The following PKP4 variants were observed in gnomAD, a reference collection of about 807,000 sequenced individuals.
PKP4 encodes the protein plakophilin 4, also known as plakophilin-4.
A neutral mutation model predicts 145.1 loss-of-function variants in PKP4; 90 were observed. The observed-to-expected ratio is 0.62, with a 90% CI of 0.52 to 0.74. PKP4 has a LOEUF of 0.74. Among genes scored for constraint, PKP4 ranks in the 30% least tolerant of loss-of-function variants. The pLI, the probability that PKP4 is intolerant of heterozygous loss-of-function variation, is 0.00. For missense variants in PKP4, 1,340 were observed against 1,482.7 expected (o/e 0.90, Z 1.58); for synonymous variants, 563 against 577.2 (o/e 0.98, Z 0.35).
chr2:158,555,786 A>G (rs2046037557), intron 2 of PKP4, among the ~76,000 whole-genome samples: 1 of 152,216 alleles, frequency 6.6e-6, no homozygotes, highest in Non-Finnish European at 1.5e-5. Flanking sequence ...TTTGAGTTGT[A>G]CAACCCACAG....
intron 1 of PKP4, among the ~76,000 whole-genome samples, chr2:158,518,799 T>G (rs961259406): frequency 6.6e-6 from 1 of 152,246 alleles, no homozygotes; most frequent in African/African-American, 2.4e-5. Context: ...TGAATCATAA[T>G]TTTTGGTCAG....
intron 1 of PKP4, among the ~76,000 whole-genome samples, chr2:158,476,325 A>G (rs1176884045): frequency 6.6e-6 from 1 of 151,912 alleles, no homozygotes; most frequent in Admixed American, 6.6e-5. Flanking sequence ...TCCTCTGATG[A>G]TTTTTAAGTT....
intron 3 of PKP4, among the ~76,000 whole-genome samples, chr2:158,593,471 A>G (rs2049445811): frequency 6.6e-6 from 1 of 152,144 alleles, no homozygotes. Context: ...TGTTTGTCTC[A>G]TTTTTGTCTA....
intron 4 of PKP4, among the ~76,000 whole-genome samples, chr2:158,613,248 C>T (rs932991285): frequency 1.3e-5 from 2 of 152,102 alleles, no homozygotes; most frequent in African/African-American, 4.8e-5. Context: ...ATTCTAAAAC[C>T]TAGTCATTAA....
At chr2:158,629,762 G>A (rs1338928404) in intron 7 of PKP4, among the ~76,000 whole-genome samples, 2 of 151,824 alleles carry the variant, frequency 1.3e-5, no homozygotes, top group Non-Finnish European at 2.9e-5. Flanking sequence ...CCAGGCTGGC[G>A]TGCAGTGGCG....
chr2:158,581,177 A>G (rs2048302722), intron 3 of PKP4, among the ~76,000 whole-genome samples: 2 of 152,240 alleles, frequency 1.3e-5, no homozygotes, highest in African/African-American at 2.4e-5. Context: ...AGAGAAGAAC[A>G]GAAATTAGCT....
Position 158,621,114 on chromosome 2 carries a change from A to G in PKP4, c.405A>G (p.Glu135=). ...CACCAGAACAGACATCTCTCCATGA[A>G]AGTGAGGGTCTGTTGTGTTATCTTT... The part of the protein sequence containing the change: ...LYSPEQTSLH[E]SEGSLGNSRS... Residue 135 remains glutamate, a synonymous_variant, in exon 5 of 22, where the codon GAA becomes GAG. Transcript: ENST00000389759. The G allele has an allele frequency of 6.2e-7, 1 of 1,614,178 alleles. No homozygotes were observed. Among genetic ancestry groups the G allele is most frequent in the African/African-American group, 1.3e-5 (1 of 75,066 alleles).
At chr2:158,610,028 G>C (rs1252605098) in intron 4 of PKP4, among the ~76,000 whole-genome samples, 1 of 152,130 alleles carries the variant, frequency 6.6e-6, no homozygotes, top group East Asian at 1.9e-4. Context: ...TTGTTTTGGA[G>C]CATTTATGCT....
At chr2:158,505,921 A>G (rs1253233813) in intron 1 of PKP4, among the ~76,000 whole-genome samples, 1 of 152,120 alleles carries the variant, frequency 6.6e-6, no homozygotes, top group Non-Finnish European at 1.5e-5. Context: ...GACCATAAGT[A>G]CACAGGAGGC....
At chr2:158,583,700 G>C (rs2048534141) in intron 3 of PKP4, among the ~76,000 whole-genome samples, 1 of 151,988 alleles carries the variant, frequency 6.6e-6, no homozygotes, top group African/African-American at 2.4e-5. Flanking sequence ...AAAGTTTGCT[G>C]TATTTCTTTC....
Position 158,669,909 on chromosome 2 carries a change from G to A in PKP4, c.2918G>A (p.Gly973Asp). 1.9e-6 allele frequency: 3 copies of A among 1,609,592 alleles called. No individual in the cohort carries two copies. Among genetic ancestry groups the A allele is most frequent in the African/African-American group, 2.7e-5 (2 of 74,954 alleles). The change falls in exon 17 of 22, where the codon GGC becomes GAC. Residue 973 changes from glycine to aspartate, a missense_variant. Physicochemically the swap from Gly to Asp is moderately conservative, Grantham distance 94. Transcript: ENST00000389759. ...CTGGTGAACATAACCAAAGGCAGGGGCGACAGGCAAGTCTGCGGCAAGGAG... is the reference window on the plus strand; with the variant it reads ...CTGGTGAACATAACCAAAGGCAGGGACGACAGGCAAGTCTGCGGCAAGGAG... Reference protein sequence around the residue: ...EKLVNITKGRGDRSSLKVVKA... With the variant: ...EKLVNITKGRDDRSSLKVVKA...
At chr2:158,521,399 A>G (rs898289291) in intron 1 of PKP4, among the ~76,000 whole-genome samples, 18 of 152,182 alleles carry the variant, frequency 1.2e-4, no homozygotes, top group African/African-American at 4.3e-4. Context: ...TTACCAGATT[A>G]TCTTGCAGTG....
chr2:158,612,547 G>A (rs1355110996), intron 4 of PKP4, among the ~76,000 whole-genome samples: 5 of 152,056 alleles, frequency 3.3e-5, no homozygotes, highest in Non-Finnish European at 5.9e-5. Flanking sequence ...GACAAATATT[G>A]TCAGTTTGCC....
In PKP4 at chr2:158,631,909, G is replaced by C; in HGVS notation, c.1310G>C (p.Gly437Ala). Reference sequence around the variant, plus strand: ...AACCATGGAACTGTGGAGCTCCAAGGATCGCAGACGGCGTTGTATCGCACA... The same window carrying C: ...AACCATGGAACTGTGGAGCTCCAAGCATCGCAGACGGCGTTGTATCGCACA... ...SPNHGTVELQ[G>A]SQTALYRTGS... The change falls in exon 8 of 22, where the codon GGA becomes GCA. Residue 437 changes from glycine to alanine, a missense_variant. Physicochemically the swap from Gly to Ala is moderately conservative, Grantham distance 60 (BLOSUM62 0). Coordinates refer to ENST00000389759, the MANE Select transcript of PKP4 (RefSeq NM_003628.6). 1 of 1,614,022 alleles carries C rather than the reference G, an allele frequency of 6.2e-7. No homozygotes were observed.
In PKP4 at chr2:158,658,163, G is replaced by T. The variant is rs2056181954; in HGVS notation, c.1942G>T (p.Val648Leu). 6.2e-7 allele frequency: 1 copy of T among 1,605,850 alleles called. No individual in the cohort carries two copies. Among genetic ancestry groups the T allele is most frequent in the Non-Finnish European group, 8.5e-7 (1 of 1,174,178 alleles). The change falls in exon 12 of 22, where the codon GTA becomes TTA. Residue 648 changes from valine to leucine, a missense_variant. Val to Leu is a conservative substitution (Grantham distance 32, BLOSUM62 1). Transcript: ENST00000389759. ...VLWNLSSCDAVKMTIIRDALS... is the reference protein window; with the variant it reads ...VLWNLSSCDALKMTIIRDALS... Reference sequence around the variant, plus strand: ...TTGGAATTTATCCTCATGTGATGCTGTAAAAATGACAATCATTCGAGATGC... The same window carrying T: ...TTGGAATTTATCCTCATGTGATGCTTTAAAAATGACAATCATTCGAGATGC...
chr2:158,670,981 G>A (rs2057507017), intron 17 of PKP4, among the ~76,000 whole-genome samples: 1 of 152,188 alleles, frequency 6.6e-6, no homozygotes, highest in Non-Finnish European at 1.5e-5. Context: ...CTGAGCCACA[G>A]TAGCATGGCA....
intron 2 of PKP4, among the ~76,000 whole-genome samples, chr2:158,555,304 C>T (rs1327426143): frequency 1.3e-5 from 2 of 152,200 alleles, no homozygotes; most frequent in Non-Finnish European, 2.9e-5. Context: ...ATTCTCCTGC[C>T]TAGCAGGCTT....
intron 2 of PKP4, among the ~76,000 whole-genome samples, chr2:158,571,786 T>A (rs922183975): frequency 2.0e-5 from 3 of 152,076 alleles, no homozygotes; most frequent in Non-Finnish European, 4.4e-5. Context: ...CACAGGAGGA[T>A]GAAGTATGAC....
intron 15 of PKP4, chr2:158,665,847 CTTT>C (rs1273840352): frequency 6.6e-6 from 1 of 152,212 alleles, no homozygotes; most frequent in Non-Finnish European, 1.5e-5. Flanking sequence ...AATATACTTA[CTTT>C]TTCACCAGGC....
Sources: gnomAD v4.1 joint callset for allele counts (sites outside exome capture counted in the v4.1 genomes callset) on GRCh38, gnomAD v4.1.1 for gene constraint, MANE v1.5 for transcripts, NCBI Gene and HGNC (gene_info 2026-07-23, HGNC 2026-07-21) for gene names.